Variants in CACNB4 observed in about 807,000 individuals in gnomAD.
CACNB4 encodes voltage-dependent L-type calcium channel subunit beta-4.
Under a neutral mutation model 71.2 loss-of-function variants are expected in CACNB4, and 32 were observed. The observed-to-expected ratio is 0.45, with a 90% CI of 0.34 to 0.60. The LOEUF is 0.60. Among genes scored for constraint, CACNB4 ranks in the 20% least tolerant of loss-of-function variants. The pLI is 0.01. For synonymous variants in CACNB4, 231 were observed against 236.9 expected (o/e 0.97, Z 0.23); for missense variants, 464 against 647.9 (o/e 0.72, Z 3.08).
At chr2:151,985,839 G>A (rs1047434193) in intron 2 of CACNB4, among the ~76,000 whole-genome samples, 2 of 152,044 alleles carry the variant, frequency 1.3e-5, no homozygotes, top group South Asian at 4.1e-4. Context: ...AAAGTCTTAT[G>A]ACATTGGCAC....
chr2:152,030,708 T>C (rs2105186406), intron 2 of CACNB4, among the ~76,000 whole-genome samples: 1 of 152,348 alleles, frequency 6.6e-6, no homozygotes, highest in South Asian at 2.1e-4. Flanking sequence ...TTTGGTTTTC[T>C]GTCCCTGCAA....
At chr2:151,957,660 G>C (rs928876265) in intron 2 of CACNB4, among the ~76,000 whole-genome samples, 7 of 152,126 alleles carry the variant, frequency 4.6e-5, no homozygotes, top group African/African-American at 1.7e-4. Context: ...AAAGTGATTT[G>C]GGGAGCGTTT....
At chr2:151,979,955 C>T (rs964274302) in intron 2 of CACNB4, among the ~76,000 whole-genome samples, 25 of 152,324 alleles carry the variant, frequency 1.6e-4, no homozygotes, top group African/African-American at 5.3e-4. Flanking sequence ...CAGCCACCAA[C>T]TTACTACTCA....
At chr2:151,952,676 G>A (rs2099867216) in intron 2 of CACNB4, among the ~76,000 whole-genome samples, 1 of 152,174 alleles carries the variant, frequency 6.6e-6, no homozygotes, top group African/African-American at 2.4e-5. Context: ...TGCCCCAGAA[G>A]GAAACAGGAG....
chr2:151,915,365 G>A (rs910068959), intron 2 of CACNB4, among the ~76,000 whole-genome samples: 2 of 152,190 alleles, frequency 1.3e-5, no homozygotes, highest in Non-Finnish European at 2.9e-5. Flanking sequence ...TATAGAAATG[G>A]GTGCCGCCCT....
chr2:151,872,150 G>T, intron 6 of CACNB4: 4 of 328,138 alleles, frequency 1.2e-5, no homozygotes, highest in East Asian at 8.6e-5. Flanking sequence ...TGAATTTTTT[G>T]AATATCAATT....
At chr2:151,965,507 A>G (rs554972845) in intron 2 of CACNB4, among the ~76,000 whole-genome samples, 2 of 152,354 alleles carry the variant, frequency 1.3e-5, no homozygotes, top group East Asian at 3.9e-4. Context: ...AATAATAATG[A>G]GCTGAAGAAA....
chr2:151,920,877 G>GC (rs1457656519), intron 2 of CACNB4, among the ~76,000 whole-genome samples: 3 of 152,040 alleles, frequency 2.0e-5, no homozygotes, highest in Non-Finnish European at 4.4e-5. Flanking sequence ...GGTGACTCAC[G>GC]CCTGTAATCC....
intron 2 of CACNB4, among the ~76,000 whole-genome samples, chr2:152,008,796 T>C (rs984489811): frequency 1.3e-5 from 2 of 152,098 alleles, no homozygotes; most frequent in African/African-American, 2.4e-5. Flanking sequence ...GGGGAGCTTG[T>C]TGGGAATGCA....
At chr2:152,041,142 A>G (rs1684851642) in intron 2 of CACNB4, among the ~76,000 whole-genome samples, 1 of 152,084 alleles carries the variant, frequency 6.6e-6, no homozygotes, top group Admixed American at 6.5e-5. Flanking sequence ...CTCCCCACAA[A>G]CTTTTGGCAC....
intron 2 of CACNB4, among the ~76,000 whole-genome samples, chr2:151,908,786 A>G (rs2099855427): frequency 6.6e-6 from 1 of 152,192 alleles, no homozygotes; most frequent in Non-Finnish European, 1.5e-5. Flanking sequence ...ACATTTTCTG[A>G]CTAAGACAGT....
chr2:151,842,418 T>C (rs1034718611), intron 12 of CACNB4, among the ~76,000 whole-genome samples: 2 of 146,724 alleles, frequency 1.4e-5, no homozygotes, highest in African/African-American at 5.1e-5. Flanking sequence ...GCAACCTCTG[T>C]CCACTGAGTT....
Position 151,915,266 on chromosome 2 carries a change from C to T in CACNB4, c.148-31896G>A, listed in dbSNP as rs2099857167. 2.0e-5 allele frequency among the ~76,000 whole-genome samples: 3 copies of T among 152,346 alleles called. 1 individual carries two copies. The highest frequency in any genetic ancestry group is 4.8e-5 in the African/African-American group (2 of 41,594). On this transcript the variant is annotated intron_variant, in intron 2 of 13. Coordinates refer to ENST00000539935, the MANE Select transcript of CACNB4 (RefSeq NM_000726.5). ...AAGGGACACTGGCCACAAACTAACA[C>T]AGCCGGTCTGTTGGGCTGTGGGGAC...
At chr2:151,910,896 G>A (rs2099855998) in intron 2 of CACNB4, among the ~76,000 whole-genome samples, 1 of 152,136 alleles carries the variant, frequency 6.6e-6, no homozygotes, top group African/African-American at 2.4e-5. Flanking sequence ...GGACAGTATG[G>A]CCATTTTCAC....
chr2:151,922,023 TAATAC>T (rs1268439511), intron 2 of CACNB4, among the ~76,000 whole-genome samples: 1 of 152,112 alleles, frequency 6.6e-6, no homozygotes, highest in Non-Finnish European at 1.5e-5. Context: ...GAGAATGGAC[TAATAC>T]AATATTCAAA....
intron 2 of CACNB4, among the ~76,000 whole-genome samples, chr2:151,951,895 A>T (rs1020836006): frequency 2.0e-5 from 3 of 152,220 alleles, no homozygotes; most frequent in African/African-American, 7.2e-5. Flanking sequence ...GCATACTGAG[A>T]ACTGAAAAAG....
At chr2:151,967,670 G>GT (rs1426657586) in intron 2 of CACNB4, 1 of 110,232 alleles carries the variant, frequency 9.1e-6, no homozygotes, top group Non-Finnish European at 2.4e-5. Context: ...TAAGAGAACT[G>GT]TTGTTTTTTT....
intron 2 of CACNB4, among the ~76,000 whole-genome samples, chr2:152,096,344 C>T (rs1408756516): frequency 6.6e-6 from 1 of 152,000 alleles, no homozygotes; most frequent in African/African-American, 2.4e-5. Context: ...GTTAGCCAGG[C>T]GTGATGGCGG....
chr2:151,971,884 A>C, intron 2 of CACNB4: 1 of 422,768 alleles, frequency 2.4e-6, no homozygotes, highest in Non-Finnish European at 4.4e-6. Flanking sequence ...CACCTTCCTC[A>C]CCTCCACAGA....
Sources: allele counts gnomAD v4.1 joint callset (sites outside exome capture counted in the v4.1 genomes callset), GRCh38; gene constraint gnomAD v4.1.1; transcripts MANE v1.5; gene names NCBI Gene and HGNC (gene_info 2026-07-23, HGNC 2026-07-21).